SLC44A1: variants seen among roughly 807,000 people sequenced by gnomAD.
The protein encoded by SLC44A1 is choline transporter-like protein 1.
Under a neutral mutation model 79.3 loss-of-function variants are expected in SLC44A1, and 26 were observed. That is an observed-to-expected ratio of 0.33 (90% CI 0.24 to 0.46). The LOEUF (loss-of-function observed/expected upper bound fraction) is 0.46. SLC44A1 is among the 20% of genes least tolerant of loss of function. The pLI is 1.00. For missense variants in SLC44A1, 688 were observed against 798.1 expected (o/e 0.86, Z 1.66); for synonymous variants, 263 against 286.2 (o/e 0.92, Z 0.82).
intron 1 of SLC44A1, among the ~76,000 whole-genome samples, chr9:105,249,865 ATTTTTTT>A (rs71501461): frequency 3.9e-5 from 5 of 127,372 alleles, no homozygotes; most frequent in East Asian, 2.2e-4. Flanking sequence ...CAGTTTACTA[ATTTTTTT>A]TTTTTTTTTT....
chr9:105,309,394 C>T (rs1388949776), intron 2 of SLC44A1, among the ~76,000 whole-genome samples: 1 of 152,100 alleles, frequency 6.6e-6, no homozygotes, highest in Non-Finnish European at 1.5e-5. Context: ...ACTACAAGCA[C>T]CTATTAAGAG....
chr9:105,251,496 G>T (rs758837985), intron 1 of SLC44A1, among the ~76,000 whole-genome samples: 1 of 152,112 alleles, frequency 6.6e-6, no homozygotes, highest in Non-Finnish European at 1.5e-5. Flanking sequence ...CAAGCTAATT[G>T]TGTTCCTCTC....
At chr9:105,269,191 G>C (rs1053424970) in intron 1 of SLC44A1, among the ~76,000 whole-genome samples, 37 of 152,066 alleles carry the variant, frequency 2.4e-4, no homozygotes, top group African/African-American at 8.7e-4. Context: ...CCTAATTGTG[G>C]CATTCACTAT....
intron 15 of SLC44A1, among the ~76,000 whole-genome samples, chr9:105,410,858 A>C (rs546091474): frequency 3.3e-5 from 5 of 152,248 alleles, no homozygotes; most frequent in Non-Finnish European, 5.9e-5. Flanking sequence ...AGCTGTAAAA[A>C]GAAATGAGGT....
chr9:105,304,954 T>TTTTTTTTTG (rs1830983244), intron 2 of SLC44A1, among the ~76,000 whole-genome samples: 1 of 50,598 alleles, frequency 2.0e-5, no homozygotes, highest in African/African-American at 7.3e-5. Context: ...GTTTTTTTTT[T>TTTTTTTTTG]TTTTTTTTTT....
chr9:105,371,262 C>T (rs1723182325), intron 12 of SLC44A1, among the ~76,000 whole-genome samples: 1 of 152,158 alleles, frequency 6.6e-6, no homozygotes, highest in Admixed American at 6.5e-5. Context: ...TACTCTAGAA[C>T]AGGAGGTCAG....
At position 105,393,772 on chromosome 9, in the gene SLC44A1, T is replaced by C. The variant is rs1311618877; in HGVS notation, c.*4716T>C. The C allele has an allele frequency of 1.0e-6, 1 of 984,314 alleles. No individual in the cohort carries two copies. The highest frequency in any genetic ancestry group is 1.2e-6 in the Non-Finnish European group (1 of 828,996). 61.0% of individuals were successfully genotyped at this position (984,314 alleles called of 1,614,324 possible). On this transcript the variant is annotated 3_prime_UTR_variant, in exon 16 of 16. Coordinates refer to ENST00000374720, the MANE Select transcript of SLC44A1 (RefSeq NM_080546.5). ...TTCGTTAGTAAATTTGTGAAAAACATGTGAGATTGTTCGAGACCTATTAGG... is the reference window on the plus strand; with the variant it reads ...TTCGTTAGTAAATTTGTGAAAAACACGTGAGATTGTTCGAGACCTATTAGG...
intron 15 of SLC44A1, chr9:105,385,841 A>G: frequency 7.1e-6 from 7 of 985,312 alleles, no homozygotes; most frequent in Non-Finnish European, 8.4e-6. Flanking sequence ...CAGACTGAAC[A>G]TTTTGGTGTA....
At chr9:105,284,179 G>C (rs1421331321) in intron 1 of SLC44A1, among the ~76,000 whole-genome samples, 2 of 150,798 alleles carry the variant, frequency 1.3e-5, no homozygotes, top group Non-Finnish European at 3.0e-5. Flanking sequence ...GTAAATAGTA[G>C]TATGTGTCTA....
At chr9:105,313,697 G>A (rs943656924) in intron 3 of SLC44A1, among the ~76,000 whole-genome samples, 20 of 151,908 alleles carry the variant, frequency 1.3e-4, no homozygotes, top group African/African-American at 4.6e-4. Context: ...CAATCTTTAG[G>A]TCTATAATAT....
intron 2 of SLC44A1, among the ~76,000 whole-genome samples, chr9:105,304,800 C>G (rs534713648): frequency 6.6e-6 from 1 of 152,040 alleles, no homozygotes; most frequent in African/African-American, 2.4e-5. Flanking sequence ...TTTAGCTGCC[C>G]ATGAAATTGA....
At chr9:105,422,675 T>C (rs1263871550) in intron 15 of SLC44A1, among the ~76,000 whole-genome samples, 1 of 152,144 alleles carries the variant, frequency 6.6e-6, no homozygotes, top group Admixed American at 6.6e-5. Context: ...TTTGGCTAAT[T>C]AGAGGGCCAA....
intron 3 of SLC44A1, among the ~76,000 whole-genome samples, chr9:105,330,452 C>T (rs543960968): frequency 1.3e-5 from 2 of 152,170 alleles, no homozygotes; most frequent in African/African-American, 2.4e-5. Context: ...TTACCTTCTC[C>T]TATCTTCAGT....
rs1310299927 is a variant in SLC44A1 at position 105,351,618 on chromosome 9, GAA to G, written c.500+3169_500+3170del. On this transcript the variant is annotated intron_variant, in intron 5 of 15. Coordinates refer to ENST00000374720, the MANE Select transcript of SLC44A1 (RefSeq NM_080546.5). ...AAAGAGAAAGAAAGAAAGAAAGAAA[GAA>G]AGAGAGAGAAAGAGAAAGAAAGAAA... is the stretch of plus-strand genomic sequence containing the variant. Among the ~76,000 whole-genome samples the G allele has an allele frequency of 2.3e-3, 215 of 93,118 alleles. 11 individuals carry two copies. The highest frequency in any genetic ancestry group is 0.01 in the African/African-American group (205 of 20,164). 61.1% of individuals were successfully genotyped at this position (93,118 alleles called of 152,430 possible).
Position 105,394,485 on chromosome 9 carries a change from G to A in SLC44A1, c.*5429G>A, listed in dbSNP as rs1189394859. The A allele has an allele frequency of 3.1e-6, 3 of 974,534 alleles. No individual in the cohort carries two copies. Among genetic ancestry groups the A allele is most frequent in the Non-Finnish European group, 2.4e-6 (2 of 827,080 alleles). The allele number at this position is 974,534 out of a possible 1,614,324, so 60.4% of individuals were successfully genotyped here. A position where few individuals can be genotyped will look rare whatever the true frequency, so the allele number is the denominator to read the frequency against. On this transcript the variant is annotated 3_prime_UTR_variant, in exon 16 of 16. Coordinates refer to ENST00000374720, the MANE Select transcript of SLC44A1 (RefSeq NM_080546.5). ...TGTCCTGGCGGTTATTTGGGGGCAAGGTACCAGATTATTTGCAGTGAGCCA... is the reference window on the plus strand; with the variant it reads ...TGTCCTGGCGGTTATTTGGGGGCAAAGTACCAGATTATTTGCAGTGAGCCA...
chr9:105,244,969 G>A (rs1252120622), intron 1 of SLC44A1, 65 bp downstream of exon 1: 3 of 824,170 alleles, frequency 3.6e-6, no homozygotes, highest in Non-Finnish European at 4.7e-6. Context: ...CGCGCGGCGG[G>A]CGCCCGCCGC....
chr9:105,408,542 T>C (rs1022293473), intron 15 of SLC44A1, among the ~76,000 whole-genome samples: 3 of 152,160 alleles, frequency 2.0e-5, no homozygotes, highest in African/African-American at 7.2e-5. Flanking sequence ...CCTGAGTAGC[T>C]GGGACTACAG....
rs556820101 is a variant in SLC44A1 at position 105,358,220 on chromosome 9, C to T, written c.671-124C>T. The T allele has an allele frequency of 2.1e-4, 125 of 593,726 alleles. No homozygotes were observed. In the African/African-American group the frequency reaches 2.1e-3, roughly 10 times the overall value. The allele number at this position is 593,726 out of a possible 1,614,324, so 36.8% of individuals were successfully genotyped here. ...AACAGCAGCTAGTTTCCTTCCTTAT[C>T]TAAATTGTGGTCAATAGCAACAGAT... On this transcript the variant is annotated intron_variant, in intron 6 of 15. Coordinates refer to ENST00000374720, the MANE Select transcript of SLC44A1 (RefSeq NM_080546.5).
intron 15 of SLC44A1, among the ~76,000 whole-genome samples, chr9:105,427,052 C>A (rs1030011884): frequency 2.0e-5 from 3 of 152,026 alleles, no homozygotes; most frequent in African/African-American, 7.3e-5. Flanking sequence ...TCTCCCATCT[C>A]AGCCTCTGGA....
Sources: allele counts gnomAD v4.1 joint callset (sites outside exome capture counted in the v4.1 genomes callset), GRCh38; gene constraint gnomAD v4.1.1; transcripts MANE v1.5; gene names NCBI Gene and HGNC (gene_info 2026-07-23, HGNC 2026-07-21).